The following CLVS1 variants were observed in gnomAD, a reference collection of about 807,000 sequenced individuals.
CLVS1 encodes clavesin-1.
Under a neutral mutation model 33.1 loss-of-function variants are expected in CLVS1, and 10 were observed. That is an observed-to-expected ratio of 0.30 (90% CI 0.19 to 0.51). CLVS1 has a LOEUF of 0.51. Ranked by LOEUF, CLVS1 falls within the 20% of genes least tolerant of loss-of-function variation. The pLI, the probability that CLVS1 is intolerant of heterozygous loss-of-function variation, is 0.97. For missense variants in CLVS1, 343 were observed against 433.4 expected, an observed-to-expected ratio of 0.79 and a Z score of 1.85; for synonymous variants, 163 against 166.1, an observed-to-expected ratio of 0.98 and a Z score of 0.14.
chr8:61,122,028 C>T (rs886767826), intron 1 of CLVS1, among the ~76,000 whole-genome samples: 2 of 152,144 alleles, frequency 1.3e-5, no homozygotes, highest in East Asian at 1.9e-4. Flanking sequence ...GATTAAACAC[C>T]ACCACCACTG....
intron 5 of CLVS1, among the ~76,000 whole-genome samples, chr8:61,473,393 A>G (rs1243240922): frequency 6.7e-6 from 1 of 148,342 alleles, no homozygotes; most frequent in Admixed American, 6.7e-5. Context: ...GCAGAAAGCG[A>G]GGGGGAAAAT....
chr8:61,036,255 A>G, the CLVS1 span, among the ~76,000 whole-genome samples: 1 of 152,244 alleles, frequency 6.6e-6, no homozygotes, highest in African/African-American at 2.4e-5. Context: ...TCTGAAACTC[A>G]AAAATGGGAT....
chr8:61,244,509 A>G (rs975755872), intron 2 of CLVS1, among the ~76,000 whole-genome samples: 2 of 152,100 alleles, frequency 1.3e-5, no homozygotes, highest in East Asian at 3.8e-4. Flanking sequence ...AATGTTGTTC[A>G]GTTCTTCTGT....
rs184387515 is a variant in CLVS1, at chr8:61,245,803, A to T, written c.-151-53874A>T. Among the ~76,000 whole-genome samples the T allele has an allele frequency of 2.8e-4, 42 of 151,838 alleles. 2 individuals carry two copies. The highest frequency in any genetic ancestry group is 2.4e-3 in the Admixed American group (36 of 15,208). On this transcript the variant is annotated intron_variant, in intron 2 of 2. Transcript: ENST00000522621. Reference sequence around the variant, plus strand: ...ACACCATTTTATTATTATCTTAGGGATGGCTGGAGGGCAGGAGGGCAGTGT... The same window carrying T: ...ACACCATTTTATTATTATCTTAGGGTTGGCTGGAGGGCAGGAGGGCAGTGT...
chr8:60,994,471 G>A, the CLVS1 span, among the ~76,000 whole-genome samples: 27 of 152,270 alleles, frequency 1.8e-4, no homozygotes, highest in African/African-American at 3.4e-4. Context: ...GCATGTCCCC[G>A]CACTGTGTTT....
At chr8:60,976,336 C>A in the CLVS1 span, among the ~76,000 whole-genome samples, 1 of 151,822 alleles carries the variant, frequency 6.6e-6, no homozygotes, top group South Asian at 2.1e-4. Context: ...TAATTACTTT[C>A]TCTATCTTGT....
At chr8:61,055,287 T>C (rs973668282), upstream of CLVS1, among the ~76,000 whole-genome samples, 31 of 152,226 alleles carry the variant, frequency 2.0e-4, no homozygotes, top group African/African-American at 7.5e-4. Flanking sequence ...CCTCAAGCAC[T>C]TTAAAATGTC....
chr8:61,232,022 GGTTTTTTTTTTTT>G (rs1327311162), intron 2 of CLVS1, among the ~76,000 whole-genome samples: 1 of 117,070 alleles, frequency 8.5e-6, no homozygotes, highest in African/African-American at 4.5e-5. Context: ...GGAAAGTTGT[GGTTTTTTTTTTTT>G]TTTTTTTTTT....
intron 2 of CLVS1, among the ~76,000 whole-genome samples, chr8:61,307,572 T>C (rs1323812558): frequency 6.6e-6 from 1 of 152,156 alleles, no homozygotes; most frequent in Non-Finnish European, 1.5e-5. Context: ...AATAATATTG[T>C]AATAAAATAT....
the CLVS1 span, among the ~76,000 whole-genome samples, chr8:60,971,671 T>G: frequency 6.6e-6 from 1 of 152,280 alleles, no homozygotes; most frequent in African/African-American, 2.4e-5. Context: ...GCAGGGTGGC[T>G]GTGAGGAATC....
intron 2 of CLVS1, among the ~76,000 whole-genome samples, chr8:61,155,665 C>A (rs770822598): frequency 1.3e-5 from 2 of 152,014 alleles, no homozygotes; most frequent in Non-Finnish European, 2.9e-5. Context: ...GGGCTGCAAA[C>A]CACAGGAATA....
Position 61,500,894 on chromosome 8 carries a change from GTCATAA to G in CLVS1, c.*1356_*1361del, listed in dbSNP as rs1804763442. 6.6e-6 allele frequency: 1 copy of G among 151,942 alleles called. No homozygotes were observed. Among genetic ancestry groups the G allele is most frequent in the Non-Finnish European group, 1.5e-5 (1 of 67,974 alleles). 9.4% of individuals were successfully genotyped at this position (151,942 alleles called of 1,614,324 possible). On this transcript the variant is annotated 3_prime_UTR_variant, in exon 6 of 6. Coordinates refer to ENST00000325897, the MANE Select transcript of CLVS1 (RefSeq NM_173519.3). ...TCAAGGGAAAGAGATTATTCAACTG[GTCATAA>G]TCACCCCTGATAATATTATTACTAA...
intron 2 of CLVS1, among the ~76,000 whole-genome samples, chr8:61,268,217 C>T (rs2129592553): frequency 7.3e-6 from 1 of 137,650 alleles, no homozygotes; most frequent in Non-Finnish European, 1.5e-5. Context: ...CTTCCTGTGT[C>T]CATGTGATCT....
intron 2 of CLVS1, among the ~76,000 whole-genome samples, chr8:61,203,773 G>C (rs1807787083): frequency 6.6e-6 from 1 of 152,106 alleles, no homozygotes; most frequent in Non-Finnish European, 1.5e-5. Flanking sequence ...AACATCCTTG[G>C]ATGTTATTTC....
intron 3 of CLVS1, chr8:61,391,002 T>C (rs1244872251): frequency 1.3e-5 from 2 of 151,786 alleles, no homozygotes; most frequent in African/African-American, 4.9e-5. Context: ...TATTTTAACA[T>C]TTTAGTCTAT....
intron 2 of CLVS1, among the ~76,000 whole-genome samples, chr8:61,151,339 C>G (rs1434835441): frequency 1.3e-5 from 2 of 152,160 alleles, no homozygotes; most frequent in African/African-American, 2.4e-5. Flanking sequence ...CCCTTGGGCT[C>G]TATTCTTAAT....
chr8:61,043,730 A>T, the CLVS1 span, among the ~76,000 whole-genome samples: 1 of 152,212 alleles, frequency 6.6e-6, no homozygotes, highest in East Asian at 1.9e-4. Context: ...TTGACTGGGC[A>T]TTCTGCAGAA....
At chr8:61,204,240 GAA>G (rs958524137) in intron 2 of CLVS1, among the ~76,000 whole-genome samples, 1 of 152,190 alleles carries the variant, frequency 6.6e-6, no homozygotes, top group Admixed American at 6.5e-5. Flanking sequence ...CAGACAATGA[GAA>G]AAGAGTATCA....
At chr8:61,259,269 G>A (rs1221434150) in intron 2 of CLVS1, among the ~76,000 whole-genome samples, 1 of 152,160 alleles carries the variant, frequency 6.6e-6, no homozygotes, top group African/African-American at 2.4e-5. Flanking sequence ...TGACATGAAA[G>A]GTGATAGGGG....
Sources: gnomAD v4.1 joint callset for allele counts (sites outside exome capture counted in the v4.1 genomes callset) on GRCh38, gnomAD v4.1.1 for gene constraint, MANE v1.5 for transcripts, NCBI Gene and HGNC (gene_info 2026-07-23, HGNC 2026-07-21) for gene names.